SLC12A8: variants seen among roughly 807,000 people sequenced by gnomAD.
SLC12A8 encodes solute carrier family 12 member 8.
SLC12A8 carries 69 observed loss-of-function variants against 75.6 expected under a neutral mutation model. That is an observed-to-expected ratio of 0.91 (90% CI 0.75 to 1.11). The LOEUF (loss-of-function observed/expected upper bound fraction) is 1.11, where lower values mean the gene tolerates loss of function less well. SLC12A8 is among the 50% of genes most tolerant of loss of function. SLC12A8 has a pLI of 0.00. For missense variants in SLC12A8, 877 were observed against 896.7 expected (o/e 0.98, Z 0.28); for synonymous variants, 365 against 372.8 (o/e 0.98, Z 0.24).
intron 2 of SLC12A8, among the ~76,000 whole-genome samples, chr3:125,207,543 A>G (rs961229035): frequency 1.3e-5 from 2 of 152,264 alleles, no homozygotes; most frequent in Admixed American, 6.5e-5. Context: ...CTGTCATTCA[A>G]TAAACACCTG....
At position 125,142,546 on chromosome 3, in the gene SLC12A8, G is replaced by T. The variant is rs548436646; in HGVS notation, c.623-6764C>A. ...CCTGAAGATCTCTGGGTGGAGGAAG[G>T]CAAGAACAGTGGCAAAATCAGGAAT... is the stretch of plus-strand genomic sequence containing the variant. On this transcript the variant is annotated intron_variant, in intron 5 of 13. Transcript: ENST00000469902. Among the ~76,000 whole-genome samples the T allele has an allele frequency of 2.0e-5, 3 of 152,340 alleles. No homozygotes were observed. The East Asian group carries it at 5.8e-4, about 29-fold the overall frequency.
At chr3:125,113,522 G>A (rs1939236285) in intron 8 of SLC12A8, among the ~76,000 whole-genome samples, 1 of 152,132 alleles carries the variant, frequency 6.6e-6, no homozygotes. Flanking sequence ...CTGGCATGGT[G>A]CTAGGCAGAG....
At chr3:125,119,942 G>A (rs1933005091) in intron 7 of SLC12A8, 33 of 456,340 alleles carry the variant, frequency 7.2e-5, no homozygotes, top group South Asian at 4.8e-4. Context: ...TAGACCCAAG[G>A]TTACCCAGCC....
At chr3:125,132,677 G>A (rs1050207408) in intron 6 of SLC12A8, among the ~76,000 whole-genome samples, 9 of 152,144 alleles carry the variant, frequency 5.9e-5, no homozygotes, top group South Asian at 4.2e-4. Context: ...GATGTCACAT[G>A]GACAACTGAA....
intron 4 of SLC12A8, among the ~76,000 whole-genome samples, chr3:125,185,648 G>A (rs184324904): frequency 6.4e-4 from 97 of 152,256 alleles, no homozygotes; most frequent in Non-Finnish European, 1.1e-3. Context: ...ACCAAAACCA[G>A]ACAAAGAATC....
In SLC12A8 at chr3:125,110,305, C is replaced by T; in HGVS notation, c.943G>A (p.Gly315Ser). ...GAAGCCAGGGACGAGATGTATAAGC[C>T]CAAAAGGAACAGGAAGCCCATGAGG... ...VSLMGFLFLL[G>S]LYISSLASCM... Residue 315 changes from glycine to serine, a missense_variant, in exon 9 of 14, where the codon GGC becomes AGC. By Grantham distance (56) the Gly-to-Ser change is moderately conservative. Transcript: ENST00000469902. 6.2e-7 allele frequency: 1 copy of T among 1,613,910 alleles called. No individual in the cohort carries two copies. The highest frequency in any genetic ancestry group is 8.5e-7 in the Non-Finnish European group (1 of 1,179,908).
chr3:125,083,792 T>C lies in SLC12A8; in HGVS notation c.*98A>G. The C allele has an allele frequency of 8.2e-7, 1 of 1,219,240 alleles. No homozygotes were observed. Among genetic ancestry groups the C allele is most frequent in the Non-Finnish European group, 1.1e-6 (1 of 873,406 alleles). 75.5% of individuals were successfully genotyped at this position (1,219,240 alleles called of 1,614,324 possible). A position where few individuals can be genotyped will look rare whatever the true frequency, so the allele number is the denominator to read the frequency against. On this transcript the variant is annotated 3_prime_UTR_variant, in exon 14 of 14. Coordinates refer to ENST00000469902, the MANE Select transcript of SLC12A8 (RefSeq NM_024628.6). Reference sequence around the variant, plus strand: ...AAAGTGACAGCGGGAGGATGGGTCTTGAGTTTCTCAGGTTGGAGAAGCAGC... The same window carrying C: ...AAAGTGACAGCGGGAGGATGGGTCTCGAGTTTCTCAGGTTGGAGAAGCAGC...
At chr3:125,135,432 G>C (rs1260458500) in intron 6 of SLC12A8, among the ~76,000 whole-genome samples, 4 of 152,122 alleles carry the variant, frequency 2.6e-5, no homozygotes, top group African/African-American at 9.7e-5. Flanking sequence ...TAAAATAATA[G>C]ATTTTTATGT....
intron 8 of SLC12A8, among the ~76,000 whole-genome samples, chr3:125,114,447 CAG>C (rs1024286673): frequency 3.3e-5 from 5 of 152,180 alleles, no homozygotes; most frequent in Admixed American, 2.6e-4. Context: ...ATTTTTGAGA[CAG>C]AGTTTCGCAC....
At chr3:125,118,490 A>G (rs192242850) in intron 8 of SLC12A8, among the ~76,000 whole-genome samples, 1 of 152,260 alleles carries the variant, frequency 6.6e-6, no homozygotes, top group Admixed American at 6.5e-5. Context: ...TTAGCCCAGC[A>G]TGAGGGCATG....
intron 5 of SLC12A8, among the ~76,000 whole-genome samples, chr3:125,173,220 C>T (rs1340144287): frequency 1.3e-5 from 2 of 151,964 alleles, no homozygotes; most frequent in Non-Finnish European, 2.9e-5. Context: ...TGAAAAGGGA[C>T]AAAGTTGGAG....
chr3:125,202,124 A>G (rs1195017059), intron 2 of SLC12A8, among the ~76,000 whole-genome samples: 1 of 152,152 alleles, frequency 6.6e-6, no homozygotes, highest in Non-Finnish European at 1.5e-5. Context: ...TGGCCAGGCT[A>G]GTCTCGAACT....
intron 4 of SLC12A8, among the ~76,000 whole-genome samples, chr3:125,181,160 T>A (rs909642605): frequency 6.6e-6 from 1 of 152,178 alleles, no homozygotes; most frequent in African/African-American, 2.4e-5. Context: ...TGACACATGT[T>A]GCCAAAGTCA....
At chr3:125,212,385 G>T (rs1171259533) in intron 1 of SLC12A8, among the ~76,000 whole-genome samples, 1 of 152,092 alleles carries the variant, frequency 6.6e-6, no homozygotes, top group African/African-American at 2.4e-5. Context: ...CCTTCCCGCC[G>T]CCCCGCGGCC....
At chr3:125,130,015 T>C (rs1312446471) in intron 6 of SLC12A8, among the ~76,000 whole-genome samples, 3 of 152,108 alleles carry the variant, frequency 2.0e-5, no homozygotes, top group South Asian at 2.1e-4. Flanking sequence ...ATCAGATCAA[T>C]GATTCTTCAC....
At chr3:125,181,607 C>CA (rs67602083) in intron 4 of SLC12A8, among the ~76,000 whole-genome samples, 22,760 of 67,400 alleles carry the variant, frequency 0.34, 4,235 homozygotes, top group East Asian at 0.37. Context: ...GACTCCGTCT[C>CA]AAAAAAAAAA....
In SLC12A8 at chr3:125,135,708, A is replaced by G; in HGVS notation, c.697T>C (p.Phe233Leu). The G allele has an allele frequency of 6.2e-7, 1 of 1,610,026 alleles. No individual in the cohort carries two copies. The highest frequency in any genetic ancestry group is 8.5e-7 in the Non-Finnish European group (1 of 1,177,444). The change falls in exon 6 of 14, where the codon TTT becomes CTT. Residue 233 changes from phenylalanine (F) to leucine (L), a missense_variant. Phe to Leu is a conservative substitution (Grantham distance 22). Coordinates refer to ENST00000469902, the MANE Select transcript of SLC12A8 (RefSeq NM_024628.6). ...TLPDYSPGES[F>L]FTVFGVFFPA... ...AAGAAAACCCCAAAGACAGTGAAAAAAGATTCCCCCGGGCTGTAATCGGGC... is the reference window on the plus strand; with the variant it reads ...AAGAAAACCCCAAAGACAGTGAAAAGAGATTCCCCCGGGCTGTAATCGGGC...
At chr3:125,173,452 CAAAAAAA>C (rs61001520) in intron 5 of SLC12A8, among the ~76,000 whole-genome samples, 14 of 79,626 alleles carry the variant, frequency 1.8e-4, no homozygotes, top group East Asian at 8.5e-4. Flanking sequence ...ATTCATGAGC[CAAAAAAA>C]AAAAAAAAAA....
intron 6 of SLC12A8, among the ~76,000 whole-genome samples, chr3:125,125,591 T>C (rs908864522): frequency 1.3e-5 from 2 of 152,170 alleles, no homozygotes; most frequent in Admixed American, 6.5e-5. Flanking sequence ...AAAACAGTTA[T>C]TTAGAATCAT....
Sources: gnomAD v4.1 joint callset for allele counts (sites outside exome capture counted in the v4.1 genomes callset) on GRCh38, gnomAD v4.1.1 for gene constraint, MANE v1.5 for transcripts, NCBI Gene and HGNC (gene_info 2026-07-23, HGNC 2026-07-21) for gene names.